The following TRAP1 variants were observed in gnomAD, a reference collection of about 807,000 sequenced individuals.
TRAP1 encodes the protein TNF receptor associated protein 1.
In TRAP1, 102 loss-of-function variants were observed where a neutral mutation model predicts 89.1. The ratio of observed to expected loss-of-function variants is 1.15; its 90% CI spans 0.98 to 1.35. The LOEUF (loss-of-function observed/expected upper bound fraction) is 1.35, where lower values mean the gene tolerates loss of function less well. TRAP1 is among the 40% of genes most tolerant of loss of function. The pLI is 0.00. For synonymous variants in TRAP1, 508 were observed against 388.0 expected, an observed-to-expected ratio of 1.31 and a Z score of -3.64; for missense variants, 1,256 against 945.3, an observed-to-expected ratio of 1.33 and a Z score of -4.31.
At chr16:3,662,705 A>G in intron 15 of TRAP1, 177 bp downstream of exon 15, 1 of 705,130 alleles carries the variant, frequency 1.4e-6, no homozygotes, top group South Asian at 1.5e-5. Context: ...TTCCTGCCTC[A>G]GCGGCACTCC....
intron 8 of TRAP1, 67 bp from the exon 9 acceptor site, chr16:3,674,561 G>T: frequency 6.4e-7 from 1 of 1,568,278 alleles, no homozygotes; most frequent in East Asian, 2.3e-5. Flanking sequence ...CACCGTGCAG[G>T]CCTGAGCCAG....
At chr16:3,701,929 T>G (rs1266220975) in intron 1 of TRAP1, among the ~76,000 whole-genome samples, 1 of 151,950 alleles carries the variant, frequency 6.6e-6, no homozygotes, top group East Asian at 1.9e-4. Flanking sequence ...AATATGAGGC[T>G]GCCCGGCACG....
intron 1 of TRAP1, among the ~76,000 whole-genome samples, chr16:3,715,130 G>T (rs184335114): frequency 1.2e-4 from 18 of 152,308 alleles, no homozygotes; most frequent in African/African-American, 3.8e-4. Flanking sequence ...AGAGGAGAGA[G>T]ACAATTTTTA....
chr16:3,675,999 G>C, intron 7 of TRAP1, 37 bp downstream of exon 7: 4 of 1,573,506 alleles, frequency 2.5e-6, no homozygotes, highest in Non-Finnish European at 3.5e-6. Context: ...GCCACACATG[G>C]ATCCCAGAGT....
chr16:3,697,463 G>A (rs2051304950), intron 1 of TRAP1, among the ~76,000 whole-genome samples: 1 of 151,944 alleles, frequency 6.6e-6, no homozygotes. Flanking sequence ...AGGAGATTGA[G>A]ACCATCCTGG....
chr16:3,716,670 G>C (rs529992098), intron 1 of TRAP1, among the ~76,000 whole-genome samples: 9 of 152,338 alleles, frequency 5.9e-5, no homozygotes, highest in African/African-American at 2.2e-4. Flanking sequence ...ATATTTACAC[G>C]TATAACACTG....
chr16:3,698,771 T>C lies in TRAP1; in HGVS notation c.89-7786A>G, dbSNP rs141296693. On this transcript the variant is annotated intron_variant, in intron 1 of 17. Coordinates refer to ENST00000246957, the MANE Select transcript of TRAP1 (RefSeq NM_016292.3). ...AAAAACAGCCAGGTGTGGTGGTGCATGCCTGTAGTCTCAGCTACTTGGGAG... is the reference window on the plus strand; with the variant it reads ...AAAAACAGCCAGGTGTGGTGGTGCACGCCTGTAGTCTCAGCTACTTGGGAG... Among the ~76,000 whole-genome samples the C allele has an allele frequency of 3.1e-3, 466 of 152,046 alleles. 3 individuals carry two copies. Among genetic ancestry groups the C allele is most frequent in the African/African-American group, 0.011 (449 of 41,482 alleles).
chr16:3,707,721 GC>G (rs1236887341), intron 1 of TRAP1, among the ~76,000 whole-genome samples: 1 of 151,676 alleles, frequency 6.6e-6, no homozygotes, highest in East Asian at 2.0e-4. Context: ...GGGAGTCGCA[GC>G]GGGCATCTGT....
At chr16:3,658,332 A>G (rs142555666) in intron 17 of TRAP1, 102 bp from the exon 18 acceptor site, 12 of 939,940 alleles carry the variant, frequency 1.3e-5, no homozygotes, top group South Asian at 6.1e-5. Flanking sequence ...TGGAGTGCAG[A>G]GGCACGATCT....
intron 13 of TRAP1, 164 bp downstream of exon 13, chr16:3,664,110 G>A: frequency 4.2e-6 from 3 of 707,290 alleles, no homozygotes; most frequent in South Asian, 2.6e-5. Context: ...CCTCCAAGTG[G>A]GAAACAGCCG....
intron 16 of TRAP1, chr16:3,661,325 TAA>T (rs2043060326): frequency 6.6e-6 from 1 of 151,016 alleles, no homozygotes; most frequent in African/African-American, 2.4e-5. Flanking sequence ...AAAGGGCATA[TAA>T]AGAACAACAG....
At chr16:3,659,826 G>T (rs2042968401) in intron 16 of TRAP1, 1 of 151,868 alleles carries the variant, frequency 6.6e-6, no homozygotes. Context: ...CATGATCTTG[G>T]CTCACCGCAG....
At chr16:3,688,101 T>A (rs2051162223) in intron 3 of TRAP1, among the ~76,000 whole-genome samples, 1 of 152,136 alleles carries the variant, frequency 6.6e-6, no homozygotes, top group Admixed American at 6.6e-5. Context: ...CCAGCAATAA[T>A]CAGCATGTCA....
At chr16:3,667,782 G>A (rs1394984441) in intron 11 of TRAP1, among the ~76,000 whole-genome samples, 7 of 150 alleles carry the variant, frequency 0.047, no homozygotes, top group East Asian at 0.43. Flanking sequence ...TCCATCCGAC[G>A]AATCTTGCTC....
chr16:3,689,131 G>A lies in TRAP1; in HGVS notation c.254C>T (p.Thr85Ile). ...ISSTESVQGS[T>I]SKHEFQAETK... The stretch of plus-strand genomic sequence containing the variant: ...CTCGGCCTGGAACTCATGTTTGGAA[G>A]TGGAACCTAGTAATGAAACACAGAC... Residue 85 changes from threonine to isoleucine, a missense_variant, in exon 3 of 18, where the codon ACT becomes ATT. Coordinates refer to ENST00000246957, the MANE Select transcript of TRAP1 (RefSeq NM_016292.3). 6.2e-7 allele frequency: 1 copy of A among 1,613,078 alleles called. No homozygotes were observed. The highest frequency in any genetic ancestry group is 1.3e-5 in the African/African-American group (1 of 75,002).
intron 10 of TRAP1, among the ~76,000 whole-genome samples, chr16:3,672,067 G>C (rs565487459): frequency 6.6e-6 from 1 of 152,242 alleles, no homozygotes; most frequent in Non-Finnish European, 1.5e-5. Context: ...GCTGGGCACA[G>C]TGTCTGACGC....
Position 3,663,655 on chromosome 16 carries a change from A to G in TRAP1, c.1570-93T>C, listed in dbSNP as rs2050746467. On this transcript the variant is annotated intron_variant, in intron 13 of 17. Transcript: ENST00000246957. ...GGGCGGCAGGAGGGCTGGGGGAGCC[A>G]AGCGGGCCACACTGGGGAACACCGG... is the stretch of plus-strand genomic sequence containing the variant. The G allele has an allele frequency of 1.9e-6, 3 of 1,542,586 alleles. No individual in the cohort carries two copies. In the East Asian group the frequency reaches 6.8e-5, roughly 35 times the overall value.
chr16:3,662,976 G>T lies in TRAP1; in HGVS notation c.1709-9C>A. 6.2e-7 allele frequency: 1 copy of T among 1,601,466 alleles called. No individual in the cohort carries two copies. The highest frequency in any genetic ancestry group is 1.1e-5 in the South Asian group (1 of 89,950). On this transcript the variant is annotated splice_polypyrimidine_tract_variant and intron_variant, in intron 14 of 17. Coordinates refer to ENST00000246957, the MANE Select transcript of TRAP1 (RefSeq NM_016292.3). ...TGATAGGCACTCGGCGGCTGCGGAA[G>T]AGCAGGCGACAGGGAGCTCAGGCCT...
intron 1 of TRAP1, among the ~76,000 whole-genome samples, chr16:3,691,938 G>A (rs1005470430): frequency 6.6e-6 from 1 of 152,128 alleles, no homozygotes; most frequent in East Asian, 1.9e-4. Context: ...CAGCCAATGT[G>A]TCCCCAGCCG....
Sources: allele counts gnomAD v4.1 joint callset (sites outside exome capture counted in the v4.1 genomes callset), GRCh38; gene constraint gnomAD v4.1.1; transcripts MANE v1.5; gene names NCBI Gene and HGNC (gene_info 2026-07-23, HGNC 2026-07-21).